Variants in SPOCK3 observed in about 807,000 individuals in gnomAD.
SPOCK3 encodes testican-3.
Under a neutral mutation model 56.6 loss-of-function variants are expected in SPOCK3, and 30 were observed. That is an observed-to-expected ratio of 0.53 (90% CI 0.40 to 0.72). The LOEUF (loss-of-function observed/expected upper bound fraction) is 0.72. Among genes scored for constraint, SPOCK3 ranks in the 30% least tolerant of loss-of-function variants. The pLI is 0.00. For synonymous variants in SPOCK3, 196 were observed against 183.3 expected, an observed-to-expected ratio of 1.07 and a Z score of -0.56; for missense variants, 527 against 530.0, an observed-to-expected ratio of 0.99 and a Z score of 0.06.
intron 5 of SPOCK3, among the ~76,000 whole-genome samples, chr4:166,890,927 C>T (rs891421947): frequency 5.9e-5 from 9 of 151,924 alleles, no homozygotes; most frequent in South Asian, 2.1e-4. Context: ...TTTTATGAAT[C>T]GGGGTACTCC....
chr4:167,096,048 A>G (rs968840234), intron 2 of SPOCK3, among the ~76,000 whole-genome samples: 1 of 151,938 alleles, frequency 6.6e-6, no homozygotes, highest in Non-Finnish European at 1.5e-5. Flanking sequence ...CATAAATCTA[A>G]CAAAATAGCT....
At chr4:166,970,351 T>C (rs7662556) in intron 4 of SPOCK3, among the ~76,000 whole-genome samples, 1 of 152,230 alleles carries the variant, frequency 6.6e-6, no homozygotes, top group African/African-American at 2.4e-5. Context: ...TTGGAATTCT[T>C]TGTGACTCTA....
At chr4:166,749,594 A>T (rs1322483817) in intron 8 of SPOCK3, among the ~76,000 whole-genome samples, 4 of 152,040 alleles carry the variant, frequency 2.6e-5, no homozygotes, top group African/African-American at 4.8e-5. Context: ...TATGTAACAA[A>T]CCTGCACGTT....
intron 4 of SPOCK3, among the ~76,000 whole-genome samples, chr4:166,960,585 G>C (rs1744032728): frequency 6.6e-6 from 1 of 152,150 alleles, no homozygotes; most frequent in Non-Finnish European, 1.5e-5. Context: ...AGGCATCTCA[G>C]CCTCTTCCCT....
At chr4:167,143,925 T>C (rs1416882042) in intron 2 of SPOCK3, among the ~76,000 whole-genome samples, 1 of 151,950 alleles carries the variant, frequency 6.6e-6, no homozygotes, top group African/African-American at 2.4e-5. Flanking sequence ...GCCAGCCAGA[T>C]GGGTGAGAGA....
intron 6 of SPOCK3, among the ~76,000 whole-genome samples, chr4:166,810,690 C>T (rs1016517261): frequency 6.6e-6 from 1 of 151,804 alleles, no homozygotes; most frequent in Non-Finnish European, 1.5e-5. Flanking sequence ...AAAATATATT[C>T]CTAGATTATC....
intron 5 of SPOCK3, among the ~76,000 whole-genome samples, chr4:166,909,610 C>A (rs1737036710): frequency 6.6e-6 from 1 of 152,098 alleles, no homozygotes; most frequent in African/African-American, 2.4e-5. Context: ...CACTTCCACA[C>A]TGAATGTAGG....
At chr4:166,754,342 A>T in intron 8 of SPOCK3, 166 bp downstream of exon 8, 1 of 1,369,182 alleles carries the variant, frequency 7.3e-7, no homozygotes, top group Non-Finnish European at 9.4e-7. Flanking sequence ...TCTCTGGCAG[A>T]GTTATTTGTT....
intron 8 of SPOCK3, among the ~76,000 whole-genome samples, chr4:166,746,137 T>C (rs4370158): frequency 0.79 from 119,932 of 151,810 alleles, 47,609 homozygotes; most frequent in South Asian, 0.82. Flanking sequence ...CCAAGCAGAC[T>C]TAATAGACAT....
At chr4:166,924,729 C>T (rs62352345) in intron 4 of SPOCK3, among the ~76,000 whole-genome samples, 50,990 of 152,082 alleles carry the variant, frequency 0.34, 9,776 homozygotes, top group African/African-American at 0.53. Context: ...TTAGTAGGTC[C>T]CAGGGTGTGG....
At chr4:167,048,114 T>G (rs980942751) in intron 3 of SPOCK3, among the ~76,000 whole-genome samples, 5 of 152,110 alleles carry the variant, frequency 3.3e-5, no homozygotes, top group African/African-American at 4.8e-5. Flanking sequence ...TTATAGGAAG[T>G]GTATAAAAAT....
At chr4:167,189,624 G>A (rs1252494631) in intron 2 of SPOCK3, among the ~76,000 whole-genome samples, 1 of 145,140 alleles carries the variant, frequency 6.9e-6, no homozygotes. Flanking sequence ...ACCATTGTGT[G>A]TGTGTGTGGT....
chr4:167,120,458 T>C (rs978353804), intron 2 of SPOCK3, among the ~76,000 whole-genome samples: 4 of 152,054 alleles, frequency 2.6e-5, no homozygotes, highest in African/African-American at 9.7e-5. Context: ...AAGAACAATA[T>C]TGATGCTTCT....
intron 4 of SPOCK3, among the ~76,000 whole-genome samples, chr4:166,991,073 T>C (rs1747731173): frequency 6.6e-6 from 1 of 152,222 alleles, no homozygotes; most frequent in East Asian, 1.9e-4. Context: ...TCTTTTCCAC[T>C]GTGGAGCCTC....
intron 6 of SPOCK3, among the ~76,000 whole-genome samples, chr4:166,800,099 G>A (rs367670146): frequency 6.7e-5 from 10 of 149,202 alleles, no homozygotes; most frequent in East Asian, 2.1e-4. Flanking sequence ...GGAGAATGGC[G>A]TGAACCCGGG....
chr4:166,789,503 A>C (rs947683473), intron 7 of SPOCK3, among the ~76,000 whole-genome samples: 3 of 152,154 alleles, frequency 2.0e-5, no homozygotes, highest in Non-Finnish European at 4.4e-5. Flanking sequence ...ATATTAAAAA[A>C]TCAAAACCAA....
intron 6 of SPOCK3, among the ~76,000 whole-genome samples, chr4:166,871,795 A>T (rs557429179): frequency 3.3e-5 from 5 of 150,898 alleles, no homozygotes; most frequent in South Asian, 4.1e-4. Context: ...AAAAATATTT[A>T]AAAATATTAA....
At chr4:166,745,306 G>A (rs1579096673) in intron 8 of SPOCK3, among the ~76,000 whole-genome samples, 1 of 152,122 alleles carries the variant, frequency 6.6e-6, no homozygotes, top group East Asian at 1.9e-4. Context: ...GAAACTCTAT[G>A]AGCCAGAAGA....
intron 6 of SPOCK3, among the ~76,000 whole-genome samples, chr4:166,878,624 G>T (rs903009874): frequency 2.6e-5 from 4 of 151,890 alleles, no homozygotes; most frequent in Non-Finnish European, 5.9e-5. Context: ...ATATATCTCT[G>T]CTTGGTAAAA....
Sources: gnomAD v4.1 joint callset for allele counts (sites outside exome capture counted in the v4.1 genomes callset) on GRCh38, gnomAD v4.1.1 for gene constraint, MANE v1.5 for transcripts, NCBI Gene and HGNC (gene_info 2026-07-23, HGNC 2026-07-21) for gene names.